The following ROBO2 variants were observed in gnomAD, a reference collection of about 807,000 sequenced individuals.
The protein encoded by ROBO2 is roundabout guidance receptor 2.
A neutral mutation model predicts 160.8 loss-of-function variants in ROBO2; 53 were observed. The observed-to-expected ratio is 0.33, with a 90% confidence interval of 0.26 to 0.41. The LOEUF is 0.41. ROBO2 is among the 10% of genes least tolerant of loss of function. ROBO2 has a pLI of 1.00. For missense variants in ROBO2, 1,577 were observed against 1,722.4 expected, an observed-to-expected ratio of 0.92 and a Z score of 1.49; for synonymous variants, 664 against 611.7, an observed-to-expected ratio of 1.09 and a Z score of -1.26.
intron 2 of ROBO2, among the ~76,000 whole-genome samples, chr3:76,017,982 A>T (rs1421322126): frequency 6.6e-6 from 1 of 152,090 alleles, no homozygotes; most frequent in Non-Finnish European, 1.5e-5. Flanking sequence ...TTAATTTGCC[A>T]ACATTTAGGG....
At chr3:77,390,173 G>A (rs751466569) in intron 2 of ROBO2, among the ~76,000 whole-genome samples, 8 of 152,074 alleles carry the variant, frequency 5.3e-5, no homozygotes, top group Non-Finnish European at 1.2e-4. Flanking sequence ...CCTTAACCAC[G>A]CAGCTTAGAT....
At chr3:76,935,771 A>G (rs2077659194) in intron 2 of ROBO2, among the ~76,000 whole-genome samples, 1 of 152,158 alleles carries the variant, frequency 6.6e-6, no homozygotes, top group Admixed American at 6.5e-5. Context: ...ATCCCACTTC[A>G]GGGATCATAG....
chr3:77,168,248 T>C (rs755976976), intron 2 of ROBO2, among the ~76,000 whole-genome samples: 2 of 152,216 alleles, frequency 1.3e-5, no homozygotes, highest in Non-Finnish European at 2.9e-5. Flanking sequence ...GCAGAATGGC[T>C]GTGCAAGTAG....
intron 2 of ROBO2, among the ~76,000 whole-genome samples, chr3:75,957,637 GT>G (rs1373032630): frequency 6.7e-6 from 1 of 150,008 alleles, no homozygotes; most frequent in Non-Finnish European, 1.5e-5. Flanking sequence ...CAACTTGATT[GT>G]TATCTCTCTA....
intron 2 of ROBO2, among the ~76,000 whole-genome samples, chr3:76,432,015 T>A (rs915233194): frequency 1.7e-4 from 26 of 152,306 alleles, no homozygotes; most frequent in African/African-American, 6.0e-4. Context: ...GAATCCCACC[T>A]GTAGGAAAAG....
At chr3:77,489,699 A>G (rs2085826233) in intron 4 of ROBO2, among the ~76,000 whole-genome samples, 1 of 152,218 alleles carries the variant, frequency 6.6e-6, no homozygotes, top group Non-Finnish European at 1.5e-5. Flanking sequence ...TTGCCTGAAA[A>G]TATAAGTATT....
At chr3:76,140,273 A>T (rs978881426) in intron 2 of ROBO2, among the ~76,000 whole-genome samples, 52 of 152,194 alleles carry the variant, frequency 3.4e-4, no homozygotes, top group African/African-American at 1.2e-3. Flanking sequence ...TATATCATTC[A>T]TTCAAGTAAA....
intron 2 of ROBO2, among the ~76,000 whole-genome samples, chr3:76,606,039 A>G (rs2087626645): frequency 6.6e-6 from 1 of 152,132 alleles, no homozygotes; most frequent in African/African-American, 2.4e-5. Flanking sequence ...ACTAGGATGT[A>G]TTGTATACAT....
chr3:76,785,897 T>A (rs1360032168), intron 2 of ROBO2, among the ~76,000 whole-genome samples: 1 of 151,336 alleles, frequency 6.6e-6, no homozygotes, highest in African/African-American at 2.4e-5. Context: ...TCAAAAATAC[T>A]TAACATTTGT....
At chr3:77,225,335 A>G (rs756925324) in intron 2 of ROBO2, among the ~76,000 whole-genome samples, 3 of 151,838 alleles carry the variant, frequency 2.0e-5, no homozygotes, top group African/African-American at 4.8e-5. Flanking sequence ...ATTTCCTCCC[A>G]TTTTACTTTT....
intron 1 of ROBO2, chr3:77,091,980 AAAATAAATAAATAAATAAATAAAT>A (rs147580308): frequency 1.4e-5 from 2 of 143,780 alleles, no homozygotes; most frequent in Admixed American, 7.1e-5. Context: ...TCTCTGACTC[AAAATAAATAAATAAATAAATAAAT>A]AAATAAATAA....
intron 2 of ROBO2, among the ~76,000 whole-genome samples, chr3:77,371,021 T>C (rs1265098845): frequency 2.6e-5 from 4 of 152,140 alleles, no homozygotes; most frequent in Non-Finnish European, 5.9e-5. Flanking sequence ...AAGTGCATCC[T>C]GGAAAAAGAG....
intron 2 of ROBO2, among the ~76,000 whole-genome samples, chr3:76,511,673 C>A (rs192066449): frequency 3.3e-4 from 50 of 152,260 alleles, no homozygotes; most frequent in Admixed American, 5.2e-4. Context: ...GGGAACACAG[C>A]TACTAAAAAT....
At chr3:75,940,552 A>C (rs1204276589) in intron 2 of ROBO2, among the ~76,000 whole-genome samples, 1 of 152,116 alleles carries the variant, frequency 6.6e-6, no homozygotes, top group African/African-American at 2.4e-5. Context: ...GTCTGTGTCT[A>C]TGCTGCTTAG....
chr3:76,312,082 A>C (rs1332785657), intron 2 of ROBO2, among the ~76,000 whole-genome samples: 1 of 152,232 alleles, frequency 6.6e-6, no homozygotes, highest in African/African-American at 2.4e-5. Context: ...ATTTGTTTAT[A>C]TAAACACAAG....
chr3:77,239,485 G>C (rs928246054), intron 2 of ROBO2, among the ~76,000 whole-genome samples: 1 of 152,162 alleles, frequency 6.6e-6, no homozygotes, highest in African/African-American at 2.4e-5. Flanking sequence ...AAAGAACAAA[G>C]CTTCCACACT....
At chr3:77,323,468 T>C (rs989942616) in intron 2 of ROBO2, among the ~76,000 whole-genome samples, 1 of 152,168 alleles carries the variant, frequency 6.6e-6, no homozygotes, top group South Asian at 2.1e-4. Context: ...GACCTGTTCT[T>C]TCTTCCAAAA....
At chr3:76,753,738 T>A (rs926214240) in intron 2 of ROBO2, among the ~76,000 whole-genome samples, 1 of 151,900 alleles carries the variant, frequency 6.6e-6, no homozygotes, top group African/African-American at 2.4e-5. Flanking sequence ...TATTTTAACT[T>A]TTTTCATTAA....
chr3:76,042,747 A>T (rs1192074398), intron 2 of ROBO2, among the ~76,000 whole-genome samples: 2 of 151,952 alleles, frequency 1.3e-5, no homozygotes, highest in Non-Finnish European at 2.9e-5. Context: ...TTACCCATAG[A>T]TTTCAGGCAT....
Sources: allele counts gnomAD v4.1 joint callset (sites outside exome capture counted in the v4.1 genomes callset), GRCh38; gene constraint gnomAD v4.1.1; transcripts MANE v1.5; gene names NCBI Gene and HGNC (gene_info 2026-07-23, HGNC 2026-07-21).